FAM13B: variants seen among roughly 807,000 people sequenced by gnomAD.
FAM13B encodes family with sequence similarity 13 member B.
Under a neutral mutation model 117.3 loss-of-function variants are expected in FAM13B, and 60 were observed. The observed-to-expected ratio is 0.51, with a 90% confidence interval of 0.42 to 0.63. The LOEUF (loss-of-function observed/expected upper bound fraction) is 0.63, where lower values mean the gene tolerates loss of function less well. Among genes scored for constraint, FAM13B ranks in the 30% least tolerant of loss-of-function variants. FAM13B has a pLI of 0.00. For missense variants in FAM13B, 972 were observed against 1,091.9 expected (o/e 0.89, Z 1.55); for synonymous variants, 332 against 356.1 (o/e 0.93, Z 0.76).
At chr5:137,942,399 C>T (rs1420440939) in intron 22 of FAM13B, 1 of 239,172 alleles carries the variant, frequency 4.2e-6, no homozygotes, top group Non-Finnish European at 8.1e-6. Flanking sequence ...GAGTCTCACT[C>T]TGTCGCCCAG....
intron 10 of FAM13B, among the ~76,000 whole-genome samples, chr5:137,979,537 G>GGAGCCTGGAATCT (rs1775043264): frequency 6.6e-6 from 1 of 152,076 alleles, no homozygotes; most frequent in Non-Finnish European, 1.5e-5. Context: ...CTCTACGTAT[G>GGAGCCTGGAATCT]ACCCAAATCT....
chr5:137,966,525 G>GAGAGAGAGAGAGAGAGAGAGAGAGAGAGA (rs1561469187), intron 10 of FAM13B, among the ~76,000 whole-genome samples: 1 of 56,326 alleles, frequency 1.8e-5, no homozygotes, highest in African/African-American at 6.3e-5. Flanking sequence ...AGAGAGAGAG[G>GAGAGAGAGAGAGAGAGAGAGAGAGAGAGA]GAAAGAGAGA....
chr5:137,952,782 A>G (rs1292589804), intron 16 of FAM13B, 73 bp from the exon 17 acceptor site: 18 of 873,600 alleles, frequency 2.1e-5, no homozygotes, highest in Non-Finnish European at 2.9e-5. Context: ...TCCAAATAGT[A>G]TTTTACAATT....
chr5:137,944,354 C>G (rs1193635330), intron 20 of FAM13B, among the ~76,000 whole-genome samples: 1 of 152,160 alleles, frequency 6.6e-6, no homozygotes, highest in Non-Finnish European at 1.5e-5. Flanking sequence ...CATGCAGTCA[C>G]ATGGTTATCC....
chr5:137,949,160 C>T lies in FAM13B; in HGVS notation c.1955G>A (p.Gly652Glu). The T allele has an allele frequency of 1.9e-6, 3 of 1,613,956 alleles. No individual in the cohort carries two copies. The highest frequency in any genetic ancestry group is 2.5e-6 in the Non-Finnish European group (3 of 1,179,976). The change falls in exon 18 of 24, where the codon GGA becomes GAA. Residue 652 changes from glycine to glutamate, a missense_variant. By Grantham distance (98) the Gly-to-Glu change is moderately conservative. Transcript: ENST00000689681. ...TGGACGTGTCTGAGGTACAAATTCT[C>T]CATCAGAATTTTTGTGTTTTGCATC... Reference protein sequence around the residue: ...IKDAKHKNSDGEFVPQTRPRS... With the variant: ...IKDAKHKNSDEEFVPQTRPRS...
At chr5:137,978,937 G>T (rs1184529406) in intron 10 of FAM13B, among the ~76,000 whole-genome samples, 1 of 151,474 alleles carries the variant, frequency 6.6e-6, no homozygotes, top group Non-Finnish European at 1.5e-5. Context: ...ACCCCAGTTT[G>T]CACCTAAATC....
At chr5:137,959,032 T>C (rs1367491410) in intron 13 of FAM13B, among the ~76,000 whole-genome samples, 1 of 152,228 alleles carries the variant, frequency 6.6e-6, no homozygotes, top group Non-Finnish European at 1.5e-5. Flanking sequence ...AAAATCTATG[T>C]ATTTGCTGAG....
Position 137,939,939 on chromosome 5 carries a change from C to A in FAM13B, c.*286G>T. 7.3e-7 allele frequency: 1 copy of A among 1,362,188 alleles called. No homozygotes were observed. The highest frequency in any genetic ancestry group is 2.1e-5 in the South Asian group (1 of 48,066). 84.4% of individuals were successfully genotyped at this position (1,362,188 alleles called of 1,614,324 possible). A position where few individuals can be genotyped will look rare whatever the true frequency, so the allele number is the denominator to read the frequency against. On this transcript the variant is annotated 3_prime_UTR_variant, in exon 24 of 24. Transcript: ENST00000689681. ...GAAGTTGAAAGGATAAAATTCCAGT[C>A]TTTTGCTAAAAGGATGTATCTGTAG...
At chr5:137,992,848 TG>T (rs1246479920) in intron 7 of FAM13B, among the ~76,000 whole-genome samples, 2 of 152,172 alleles carry the variant, frequency 1.3e-5, no homozygotes, top group Non-Finnish European at 2.9e-5. Context: ...TGAAGACAGG[TG>T]TTAATGTCTT....
chr5:137,958,798 A>G (rs1767295979), intron 13 of FAM13B, among the ~76,000 whole-genome samples: 1 of 152,226 alleles, frequency 6.6e-6, no homozygotes. Context: ...ATATCCATAT[A>G]CCAATCACAA....
intron 2 of FAM13B, among the ~76,000 whole-genome samples, chr5:138,019,645 G>A (rs1394178232): frequency 6.6e-6 from 1 of 151,824 alleles, no homozygotes; most frequent in African/African-American, 2.4e-5. Context: ...CAAGATTAAT[G>A]AGTTCTTATT....
At position 138,021,062 on chromosome 5, in the gene FAM13B, A is replaced by C. The variant is rs1786601396; in HGVS notation, c.-67T>G. On this transcript the variant is annotated 5_prime_UTR_variant, in exon 2 of 24. Transcript: ENST00000689681. ...GTACTTAAATACCTAAGTTTAAAAA[A>C]TGGCTTCTGCACCAGCTACCCTCAC... The C allele has an allele frequency of 8.1e-7, 1 of 1,231,678 alleles. No individual in the cohort carries two copies. The allele number at this position is 1,231,678 out of a possible 1,614,324, so 76.3% of individuals were successfully genotyped here. A position where few individuals can be genotyped will look rare whatever the true frequency, so the allele number is the denominator to read the frequency against.
intron 15 of FAM13B, among the ~76,000 whole-genome samples, chr5:137,953,694 C>A (rs1172806251): frequency 1.3e-5 from 2 of 152,120 alleles, no homozygotes; most frequent in African/African-American, 2.4e-5. Context: ...CTGGTTTGGA[C>A]AAAGGCAGCA....
rs1471346779 is a variant in FAM13B, at chr5:138,021,257, T to C, written c.-202-60A>G. On this transcript the variant is annotated intron_variant, in intron 1 of 23. Coordinates refer to ENST00000689681, the MANE Select transcript of FAM13B (RefSeq NM_001385994.1). ...ATCTTTAACTGTCAGAAGAGACTAT[T>C]AATAGAAGCAGCAGTACAGTCCTCT... 10 of 1,170,134 alleles carry C rather than the reference T, an allele frequency of 8.5e-6. No homozygotes were observed. In the South Asian group the frequency reaches 3.9e-4, roughly 46 times the overall value. 72.5% of individuals were successfully genotyped at this position (1,170,134 alleles called of 1,614,324 possible). A position where few individuals can be genotyped will look rare whatever the true frequency, so the allele number is the denominator to read the frequency against.
Position 138,019,515 on chromosome 5 carries a change from C to G in FAM13B, c.-35-369G>C, listed in dbSNP as rs184849528. Among the ~76,000 whole-genome samples, 25 of 152,304 alleles carry G rather than the reference C, an allele frequency of 1.6e-4. 1 individual carries two copies. The highest frequency in any genetic ancestry group is 1.4e-3 in the Admixed American group (22 of 15,300). On this transcript the variant is annotated intron_variant, in intron 2 of 23. Coordinates refer to ENST00000689681, the MANE Select transcript of FAM13B (RefSeq NM_001385994.1). The stretch of plus-strand genomic sequence containing the variant: ...TGACACAGGTAAATCCAAACCCGTT[C>G]TGGACTGTGCCATATAAAGCTCATC...
chr5:137,944,235 C>T (rs1017978558), intron 20 of FAM13B, among the ~76,000 whole-genome samples: 12 of 152,038 alleles, frequency 7.9e-5, no homozygotes, highest in Admixed American at 2.0e-4. Flanking sequence ...TTTGAGTGTA[C>T]GGGTTACCAC....
chr5:138,007,619 G>A (rs1355595948), intron 6 of FAM13B, among the ~76,000 whole-genome samples: 1 of 152,132 alleles, frequency 6.6e-6, no homozygotes, highest in Non-Finnish European at 1.5e-5. Context: ...TTTAGAAAAT[G>A]TCAGCTAACT....
At chr5:137,991,053 AG>A (rs1450442666) in intron 7 of FAM13B, among the ~76,000 whole-genome samples, 1 of 152,180 alleles carries the variant, frequency 6.6e-6, no homozygotes, top group Non-Finnish European at 1.5e-5. Context: ...ACAAAAGGGG[AG>A]GATGGATTTT....
chr5:138,039,979 C>T (rs1443079778), intron 1 of FAM13B: 1 of 152,024 alleles, frequency 6.6e-6, no homozygotes, highest in Non-Finnish European at 1.5e-5. Flanking sequence ...AGAAAGAAAC[C>T]AACCTGGCCG....
Sources: allele counts gnomAD v4.1 joint callset (sites outside exome capture counted in the v4.1 genomes callset), GRCh38; gene constraint gnomAD v4.1.1; transcripts MANE v1.5; gene names NCBI Gene and HGNC (gene_info 2026-07-23, HGNC 2026-07-21).